FARS2: variants seen among roughly 807,000 people sequenced by gnomAD.
FARS2 encodes phenylalanine--tRNA ligase, mitochondrial.
In FARS2, 40 loss-of-function variants were observed where a neutral mutation model predicts 46.4. The observed-to-expected ratio is 0.86, with a 90% confidence interval of 0.67 to 1.12. The LOEUF is 1.12. Ranked by LOEUF, FARS2 falls within the 50% of genes most tolerant of loss-of-function variation. FARS2 has a pLI of 0.00. For missense variants in FARS2, 513 were observed against 567.9 expected (o/e 0.90, Z 0.98); for synonymous variants, 234 against 214.9 (o/e 1.09, Z -0.78).
chr6:5,618,773 G>C (rs1026669763), intron 6 of FARS2, among the ~76,000 whole-genome samples: 3 of 152,190 alleles, frequency 2.0e-5, no homozygotes, highest in African/African-American at 7.2e-5. Flanking sequence ...AGTTCTTGTA[G>C]TTCTAAACTT....
Position 5,542,068 on chromosome 6 carries a change from G to A in FARS2, c.905-3112G>A, listed in dbSNP as rs764181526. 5.9e-5 allele frequency among the ~76,000 whole-genome samples: 9 copies of A among 152,154 alleles called. 1 individual carries two copies. The East Asian group carries it at 1.5e-3, about 26-fold the overall frequency. On this transcript the variant is annotated intron_variant, in intron 4 of 6. Coordinates refer to ENST00000274680, the MANE Select transcript of FARS2 (RefSeq NM_006567.5). ...AGGAGGACCACAGGCCACTTTTGTC[G>A]CCATCTTGGATTTGGTGGGTTTTGG...
At chr6:5,363,075 C>T (rs577635673) in intron 1 of FARS2, among the ~76,000 whole-genome samples, 3 of 151,784 alleles carry the variant, frequency 2.0e-5, no homozygotes, top group South Asian at 2.1e-4. Flanking sequence ...TACAGGTGCC[C>T]GCCACCATGC....
chr6:5,491,162 A>C (rs1440645336), intron 4 of FARS2, among the ~76,000 whole-genome samples: 1 of 151,840 alleles, frequency 6.6e-6, no homozygotes, highest in Non-Finnish European at 1.5e-5. Flanking sequence ...TTTGTTTTGC[A>C]TTTCTCTGTT....
intron 3 of FARS2, among the ~76,000 whole-genome samples, chr6:5,406,371 C>T (rs2432774): frequency 1.1e-4 from 16 of 152,082 alleles, no homozygotes; most frequent in African/African-American, 3.6e-4. Flanking sequence ...CCAGCAGAAT[C>T]AATACATGAA....
chr6:5,565,261 CA>C (rs1301080001), intron 5 of FARS2, among the ~76,000 whole-genome samples: 1 of 152,170 alleles, frequency 6.6e-6, no homozygotes, highest in African/African-American at 2.4e-5. Context: ...GTATTCCAAG[CA>C]AAAGTTAAAA....
intron 5 of FARS2, among the ~76,000 whole-genome samples, chr6:5,556,602 AAGG>A (rs1232289935): frequency 3.9e-5 from 6 of 151,922 alleles, no homozygotes; most frequent in Non-Finnish European, 8.8e-5. Flanking sequence ...TTTTGTGAAA[AAGG>A]AGATCTTTTG....
intron 2 of FARS2, among the ~76,000 whole-genome samples, chr6:5,396,980 T>G (rs1052821078): frequency 1.3e-5 from 2 of 152,130 alleles, no homozygotes; most frequent in Admixed American, 1.3e-4. Flanking sequence ...TGTGTGAAAA[T>G]CAGCAGAAAT....
At chr6:5,491,436 CT>C (rs1767103076) in intron 4 of FARS2, among the ~76,000 whole-genome samples, 1 of 152,132 alleles carries the variant, frequency 6.6e-6, no homozygotes, top group Non-Finnish European at 1.5e-5. Context: ...TCATACTTAG[CT>C]TTAAGTTCTC....
At chr6:5,623,804 C>G (rs1450611960) in intron 6 of FARS2, among the ~76,000 whole-genome samples, 1 of 152,128 alleles carries the variant, frequency 6.6e-6, no homozygotes, top group Admixed American at 6.5e-5. Flanking sequence ...TCTCTGGGTC[C>G]TGTGTTGGGA....
At chr6:5,647,209 A>G (rs1582664072) in intron 6 of FARS2, among the ~76,000 whole-genome samples, 1 of 152,158 alleles carries the variant, frequency 6.6e-6, no homozygotes, top group Non-Finnish European at 1.5e-5. Context: ...TTCTAGGCCT[A>G]TCTGCCTTTT....
intron 6 of FARS2, among the ~76,000 whole-genome samples, chr6:5,769,892 G>A (rs1399781812): frequency 6.6e-6 from 1 of 152,192 alleles, no homozygotes; most frequent in East Asian, 1.9e-4. Flanking sequence ...CCCTGAAAGT[G>A]GAAGGACAAA....
At chr6:5,354,577 G>A (rs941096011) in intron 1 of FARS2, among the ~76,000 whole-genome samples, 16 of 150,094 alleles carry the variant, frequency 1.1e-4, no homozygotes, top group African/African-American at 3.4e-4. Context: ...GCAGTGGCAC[G>A]ATCTCTGCTC....
At chr6:5,400,167 A>G (rs1302134147) in intron 2 of FARS2, among the ~76,000 whole-genome samples, 2 of 152,186 alleles carry the variant, frequency 1.3e-5, no homozygotes, top group Non-Finnish European at 2.9e-5. Flanking sequence ...TGCCATTGTG[A>G]TAGAAGTATT....
chr6:5,309,168 C>T (rs1768924555), intron 1 of FARS2, among the ~76,000 whole-genome samples: 2 of 152,254 alleles, frequency 1.3e-5, no homozygotes, highest in East Asian at 1.9e-4. Flanking sequence ...TAAAGGTTGT[C>T]TCTGCCTTTC....
At chr6:5,272,701 C>A (rs770539753) in intron 1 of FARS2, among the ~76,000 whole-genome samples, 3 of 152,032 alleles carry the variant, frequency 2.0e-5, no homozygotes. Context: ...TTGAAATATG[C>A]GATAGATTAT....
chr6:5,705,687 T>A (rs1369658653), intron 6 of FARS2, among the ~76,000 whole-genome samples: 1 of 152,236 alleles, frequency 6.6e-6, no homozygotes, highest in Non-Finnish European at 1.5e-5. Context: ...TCCTTTTGTT[T>A]GCCTATTTGC....
At chr6:5,735,278 T>C (rs890334003) in intron 6 of FARS2, among the ~76,000 whole-genome samples, 3 of 152,220 alleles carry the variant, frequency 2.0e-5, no homozygotes, top group Non-Finnish European at 4.4e-5. Flanking sequence ...AGCAGAACTG[T>C]AGTTTGATTC....
chr6:5,382,397 G>A (rs1208234735), intron 2 of FARS2, among the ~76,000 whole-genome samples: 1 of 152,184 alleles, frequency 6.6e-6, no homozygotes, highest in Non-Finnish European at 1.5e-5. Context: ...GGAATTTGGT[G>A]GTAGGACTAT....
chr6:5,392,702 A>G (rs1031228320), intron 2 of FARS2, among the ~76,000 whole-genome samples: 7 of 151,172 alleles, frequency 4.6e-5, no homozygotes, highest in African/African-American at 7.3e-5. Flanking sequence ...CTTGAGCAAC[A>G]TAGCAAAACA....
Sources: gnomAD v4.1 joint callset for allele counts (sites outside exome capture counted in the v4.1 genomes callset) on GRCh38, gnomAD v4.1.1 for gene constraint, MANE v1.5 for transcripts, NCBI Gene and HGNC (gene_info 2026-07-23, HGNC 2026-07-21) for gene names.